The following DDX42 variants were observed in gnomAD, a reference collection of about 807,000 sequenced individuals.
The protein encoded by DDX42 is ATP-dependent RNA helicase DDX42.
In DDX42, 22 loss-of-function variants were observed where a neutral mutation model predicts 101.5. The ratio of observed to expected loss-of-function variants is 0.22; its 90% CI spans 0.15 to 0.31. The LOEUF is 0.31. Among genes scored for constraint, DDX42 ranks in the 10% least tolerant of loss-of-function variants. The pLI is 1.00. For synonymous variants in DDX42, 402 were observed against 401.2 expected, an observed-to-expected ratio of 1.00 and a Z score of -0.02; for missense variants, 849 against 1,199.9, an observed-to-expected ratio of 0.71 and a Z score of 4.32.
chr17:63,783,018 GA>G (rs2039507386), intron 1 of DDX42, among the ~76,000 whole-genome samples: 1 of 152,150 alleles, frequency 6.6e-6, no homozygotes, highest in South Asian at 2.1e-4. Flanking sequence ...CCTTCCATCT[GA>G]AATGCCCTTC....
At chr17:63,784,601 T>C (rs1331390662) in intron 1 of DDX42, among the ~76,000 whole-genome samples, 1 of 151,804 alleles carries the variant, frequency 6.6e-6, no homozygotes, top group Non-Finnish European at 1.5e-5. Flanking sequence ...GGCAACATAG[T>C]GAGACCACAA....
At chr17:63,816,568 C>T (rs1466228675) in intron 16 of DDX42, 3 of 223,662 alleles carry the variant, frequency 1.3e-5, no homozygotes, top group Non-Finnish European at 2.6e-5. Flanking sequence ...TCATCTTTAA[C>T]GTAATTTTTA....
At position 63,787,058 on chromosome 17, in the gene DDX42, G is replaced by C; in HGVS notation, c.9G>C (p.Trp3Cys). The C allele has an allele frequency of 6.2e-7, 1 of 1,614,118 alleles. No homozygotes were observed. Among genetic ancestry groups the C allele is most frequent in the Non-Finnish European group, 8.5e-7 (1 of 1,180,002 alleles). The stretch of plus-strand genomic sequence containing the variant: ...GGTCAGTCATTGGCACCATGAACTG[G>C]AATAAAGGTGGTCCTGGCACTAAGC... MN[W>C]NKGGPGTKRG... Residue 3 changes from tryptophan (W) to cysteine (C), a missense_variant, in exon 2 of 18, where the codon TGG becomes TGC. Coordinates refer to ENST00000389924, the MANE Select transcript of DDX42 (RefSeq NM_203499.3).
At chr17:63,812,518 A>G (rs1236049442) in intron 14 of DDX42, among the ~76,000 whole-genome samples, 2 of 152,198 alleles carry the variant, frequency 1.3e-5, no homozygotes, top group Non-Finnish European at 2.9e-5. Flanking sequence ...CCTTACATTG[A>G]TCTACTATAC....
chr17:63,778,284 G>A (rs2039445151), intron 1 of DDX42, among the ~76,000 whole-genome samples: 1 of 152,158 alleles, frequency 6.6e-6, no homozygotes, highest in South Asian at 2.1e-4. Context: ...GCTGGTTTTA[G>A]ATGAAGCATC....
chr17:63,788,581 T>TA (rs2039579936), intron 2 of DDX42, among the ~76,000 whole-genome samples: 1 of 152,040 alleles, frequency 6.6e-6, no homozygotes, highest in Non-Finnish European at 1.5e-5. Context: ...GCTAGGATTA[T>TA]ACAGGCGTGA....
At chr17:63,811,837 C>T in intron 13 of DDX42, 95 bp from the exon 14 acceptor site, 2 of 1,496,456 alleles carry the variant, frequency 1.3e-6, no homozygotes, top group Non-Finnish European at 1.8e-6. Context: ...TGTTCAAGGT[C>T]TTCTCGATGC....
At chr17:63,782,638 T>C (rs1020820348) in intron 1 of DDX42, among the ~76,000 whole-genome samples, 1 of 152,166 alleles carries the variant, frequency 6.6e-6, no homozygotes, top group Non-Finnish European at 1.5e-5. Flanking sequence ...TCCTCAGATA[T>C]CTAAATAAAT....
intron 1 of DDX42, among the ~76,000 whole-genome samples, 196 bp from the exon 2 acceptor site, chr17:63,786,838 C>T (rs143387540): frequency 8.5e-5 from 13 of 152,286 alleles, no homozygotes; most frequent in East Asian, 3.9e-4. Context: ...CCACCACGCC[C>T]GGCCAATTTT....
chr17:63,811,885 C>T (rs2039914688), intron 13 of DDX42, 47 bp from the exon 14 acceptor site: 2 of 1,612,980 alleles, frequency 1.2e-6, no homozygotes, highest in Non-Finnish European at 1.7e-6. Context: ...TTCAGGTGCC[C>T]TGTGGCTCCA....
At chr17:63,776,175 C>G (rs1440992075) in intron 1 of DDX42, 1 of 152,230 alleles carries the variant, frequency 6.6e-6, no homozygotes, top group East Asian at 1.9e-4. Flanking sequence ...TGTTTTTAGT[C>G]CACTATATTT....
chr17:63,794,060 C>T (rs1189961576), intron 3 of DDX42, among the ~76,000 whole-genome samples: 3 of 152,010 alleles, frequency 2.0e-5, no homozygotes, highest in Non-Finnish European at 4.4e-5. Context: ...TGGCCAAAAT[C>T]TGTCAATCTT....
intron 15 of DDX42, among the ~76,000 whole-genome samples, 176 bp downstream of exon 15, chr17:63,813,630 T>C (rs2144588215): frequency 6.6e-6 from 1 of 152,308 alleles, no homozygotes; most frequent in Admixed American, 6.5e-5. Flanking sequence ...TCTTATCTGG[T>C]CTTCTTCTTT....
chr17:63,807,733 G>A lies in DDX42; in HGVS notation c.856G>A (p.Val286Met). 1 of 1,612,520 alleles carries A rather than the reference G, an allele frequency of 6.2e-7. No individual in the cohort carries two copies. The highest frequency in any genetic ancestry group is 8.5e-7 in the Non-Finnish European group (1 of 1,179,440). ...PTPIQCQGVP[V>M]ALSGRDMIGI... ...TTTACTTTTTCTCCAGGGTGTGCCT[G>A]TGGCATTAAGTGGTAGAGACATGAT... The change falls in exon 9 of 18, where the codon GTG becomes ATG. Residue 286 changes from valine to methionine, a missense_variant. Physicochemically the swap from Val to Met is conservative, Grantham distance 21 (BLOSUM62 1). Coordinates refer to ENST00000389924, the MANE Select transcript of DDX42 (RefSeq NM_203499.3).
intron 3 of DDX42, among the ~76,000 whole-genome samples, chr17:63,795,234 T>C (rs1248619249): frequency 6.6e-6 from 1 of 152,210 alleles, no homozygotes; most frequent in Non-Finnish European, 1.5e-5. Flanking sequence ...GCTGAGCAAA[T>C]GGCTGCCTAC....
At chr17:63,809,007 T>C in intron 10 of DDX42, 59 bp downstream of exon 10, 1 of 1,589,438 alleles carries the variant, frequency 6.3e-7, no homozygotes, top group Admixed American at 1.8e-5. Context: ...AAAACATGAT[T>C]AGTTTTGCAG....
intron 3 of DDX42, among the ~76,000 whole-genome samples, chr17:63,797,384 A>G (rs1284140895): frequency 1.3e-5 from 2 of 151,890 alleles, no homozygotes; most frequent in African/African-American, 4.8e-5. Flanking sequence ...TTGCCTATGA[A>G]AAATGTAAAA....
intron 2 of DDX42, among the ~76,000 whole-genome samples, chr17:63,787,905 GTTT>G (rs780070919): frequency 2.8e-5 from 3 of 107,878 alleles, no homozygotes; most frequent in Non-Finnish European, 3.6e-5. Context: ...AATTCATGTG[GTTT>G]TTTTTTTTTT....
intron 1 of DDX42, among the ~76,000 whole-genome samples, chr17:63,775,531 C>T (rs970364651): frequency 1.3e-5 from 2 of 152,130 alleles, no homozygotes; most frequent in African/African-American, 4.8e-5. Context: ...CAGGGAAGTC[C>T]ATACAGACAA....
Sources: gnomAD v4.1 joint callset for allele counts (sites outside exome capture counted in the v4.1 genomes callset) on GRCh38, gnomAD v4.1.1 for gene constraint, MANE v1.5 for transcripts, NCBI Gene and HGNC (gene_info 2026-07-23, HGNC 2026-07-21) for gene names.